Variants in ARHGAP35 observed in about 807,000 individuals in gnomAD.
ARHGAP35 encodes Rho GTPase activating protein 35.
A neutral mutation model predicts 111.1 loss-of-function variants in ARHGAP35; 15 were observed. The observed-to-expected ratio is 0.13, with a 90% confidence interval of 0.09 to 0.21. ARHGAP35 has a LOEUF of 0.21. Ranked by LOEUF, ARHGAP35 falls within the 10% of genes least tolerant of loss-of-function variation. The pLI, the probability that ARHGAP35 is intolerant of heterozygous loss-of-function variation, is 1.00. For synonymous variants in ARHGAP35, 643 were observed against 710.3 expected, an observed-to-expected ratio of 0.91 and a Z score of 1.51; for missense variants, 1,262 against 1,873.0, an observed-to-expected ratio of 0.67 and a Z score of 6.02.
At chr19:46,978,113 G>C (rs564480434) in intron 3 of ARHGAP35, among the ~76,000 whole-genome samples, 4 of 152,316 alleles carry the variant, frequency 2.6e-5, no homozygotes, top group African/African-American at 9.6e-5. Context: ...GCAGGCTTGA[G>C]CCTGGTGACA....
chr19:46,962,254 G>A (rs1411073254), intron 3 of ARHGAP35, among the ~76,000 whole-genome samples: 1 of 152,224 alleles, frequency 6.6e-6, no homozygotes, highest in East Asian at 1.9e-4. Flanking sequence ...TAAGAACCCA[G>A]GAGTTGAAGA....
rs375206287 is a variant in ARHGAP35, at chr19:46,983,151, G to A, written c.3827-4838G>A. Among the ~76,000 whole-genome samples the A allele has an allele frequency of 1.5e-3, 223 of 148,176 alleles. 1 individual carries two copies. The highest frequency in any genetic ancestry group is 3.5e-3 in the Middle Eastern group (1 of 284). On this transcript the variant is annotated intron_variant, in intron 3 of 6. Transcript: ENST00000672722. ...TGGCTGGAGCCCCCGCACCTGCACC[G>A]TAACAGGCCCTCCAGGTGACTCTGC...
intron 1 of ARHGAP35, among the ~76,000 whole-genome samples, chr19:46,892,922 T>G (rs1355668234): frequency 6.6e-6 from 1 of 152,116 alleles, no homozygotes; most frequent in Non-Finnish European, 1.5e-5. Flanking sequence ...GTAAGTCCAG[T>G]TCTCCATGCA....
At chr19:46,929,591 C>CTTTT (rs55818906) in intron 2 of ARHGAP35, among the ~76,000 whole-genome samples, 7 of 93,052 alleles carry the variant, frequency 7.5e-5, no homozygotes, top group African/African-American at 1.7e-4. Context: ...ACCTGTTACT[C>CTTTT]TTTTTTTTTT....
chr19:46,922,288 A>C lies in ARHGAP35; in HGVS notation c.3613A>C (p.Ile1205Leu). The change falls in exon 2 of 7, where the codon ATT becomes CTT. Residue 1205 changes from isoleucine to leucine, a missense_variant. Transcript: ENST00000672722. The surrounding 1 kb of genome is among the most constrained non-coding windows in gnomAD (Gnocchi z 4.0). ...GGGTTATAAAGGGGACAATGCTGTC[A>C]TTCCATACGAAACAGACGAAGACCC... ...SQGYKGDNAV[I>L]PYETDEDPRR... 6.2e-7 allele frequency: 1 copy of C among 1,613,930 alleles called. No individual in the cohort carries two copies. Among genetic ancestry groups the C allele is most frequent in the Non-Finnish European group, 8.5e-7 (1 of 1,179,864 alleles).
At chr19:46,981,747 TC>T (rs2056621403) in intron 3 of ARHGAP35, among the ~76,000 whole-genome samples, 1 of 152,226 alleles carries the variant, frequency 6.6e-6, no homozygotes, top group Non-Finnish European at 1.5e-5. Context: ...AAATACCAGT[TC>T]CTAGTCCATG....
intron 3 of ARHGAP35, among the ~76,000 whole-genome samples, chr19:46,966,046 C>T (rs374300684): frequency 3.3e-5 from 5 of 152,318 alleles, no homozygotes; most frequent in African/African-American, 1.2e-4. Context: ...TCCCCAGCCT[C>T]AATACCTAGC....
intron 3 of ARHGAP35, among the ~76,000 whole-genome samples, chr19:46,971,820 C>T (rs985191372): frequency 4.0e-5 from 6 of 151,500 alleles, no homozygotes. Flanking sequence ...TTTATCCTTC[C>T]CTACAGAGAG....
chr19:46,980,983 T>C (rs2056617557), intron 3 of ARHGAP35, among the ~76,000 whole-genome samples: 1 of 152,226 alleles, frequency 6.6e-6, no homozygotes, highest in Non-Finnish European at 1.5e-5. Context: ...CTAAATGCTC[T>C]CCTGCCCCCT....
intron 1 of ARHGAP35, among the ~76,000 whole-genome samples, chr19:46,905,562 C>G (rs117163576): frequency 0.04 from 5,857 of 147,576 alleles, 178 homozygotes; most frequent in Middle Eastern, 0.068. Context: ...TCCACCCCCC[C>G]CCCCCAAGAC....
chr19:46,929,454 T>G (rs79852018), intron 2 of ARHGAP35, among the ~76,000 whole-genome samples: 2 of 152,156 alleles, frequency 1.3e-5, no homozygotes, highest in Non-Finnish European at 2.9e-5. Context: ...AGTTAGTCCA[T>G]AGTATGCTAC....
At chr19:46,974,258 A>G (rs2056567913) in intron 3 of ARHGAP35, among the ~76,000 whole-genome samples, 1 of 152,186 alleles carries the variant, frequency 6.6e-6, no homozygotes, top group African/African-American at 2.4e-5. Flanking sequence ...CAAAGTTAGC[A>G]TTAGACTCCA....
chr19:46,892,124 A>T (rs1448341489), intron 1 of ARHGAP35, among the ~76,000 whole-genome samples: 6 of 122,958 alleles, frequency 4.9e-5, no homozygotes, highest in African/African-American at 1.2e-4. Flanking sequence ...TGTCTCTACT[A>T]AAAAAAAAAA....
chr19:46,964,785 T>C (rs1316913239), intron 3 of ARHGAP35, among the ~76,000 whole-genome samples: 3 of 151,944 alleles, frequency 2.0e-5, no homozygotes, highest in Non-Finnish European at 4.4e-5. Context: ...AATCCTTTGA[T>C]AAAAAAGAAA....
chr19:46,913,534 A>G (rs1271184179), intron 1 of ARHGAP35, among the ~76,000 whole-genome samples: 1 of 152,178 alleles, frequency 6.6e-6, no homozygotes, highest in African/African-American at 2.4e-5. Context: ...AACAAATCAC[A>G]AACAACTCTA....
chr19:46,986,120 G>T lies in ARHGAP35; in HGVS notation c.3827-1869G>T, dbSNP rs1379356904. 6.6e-6 allele frequency among the ~76,000 whole-genome samples: 1 copy of T among 152,200 alleles called. No individual in the cohort carries two copies. Among genetic ancestry groups the T allele is most frequent in the Non-Finnish European group, 1.5e-5 (1 of 68,038 alleles). On this transcript the variant is annotated intron_variant, in intron 3 of 6. Transcript: ENST00000672722. This position sits in a 1 kb window ranked among gnomAD's most constrained non-coding sequence, Gnocchi z 4.3. ...AGTCGCTCAAAGCCAGTCTTCAGAA[G>T]GGACCCAGGGTTGCTTTAGCCATGA...
chr19:46,967,914 CCTG>C (rs1332416774), intron 3 of ARHGAP35, among the ~76,000 whole-genome samples: 1 of 151,316 alleles, frequency 6.6e-6, no homozygotes, highest in Non-Finnish European at 1.5e-5. Flanking sequence ...CCTTCTCTGA[CCTG>C]CTCTGTGAGC....
At chr19:46,885,764 A>G (rs1261621828) in intron 1 of ARHGAP35, among the ~76,000 whole-genome samples, 1 of 151,862 alleles carries the variant, frequency 6.6e-6, no homozygotes, top group Non-Finnish European at 1.5e-5. Flanking sequence ...ATTTTTAGTG[A>G]GGTCCTAATT....
chr19:47,000,306 C>T lies in ARHGAP35; in HGVS notation c.4143-25C>T. On this transcript the variant is annotated intron_variant, in intron 6 of 6. Coordinates refer to ENST00000672722, the MANE Select transcript of ARHGAP35 (RefSeq NM_004491.5). This position sits in a 1 kb window ranked among gnomAD's most constrained non-coding sequence, Gnocchi z 6.9. ...CAGGTGGGGCCCTGCACAGTTCTGA[C>T]CATTGAGTTTGGTGTCGCCCGCAGG... The T allele has an allele frequency of 6.2e-7, 1 of 1,609,510 alleles. No individual in the cohort carries two copies. The highest frequency in any genetic ancestry group is 8.5e-7 in the Non-Finnish European group (1 of 1,177,430).
Sources: gnomAD v4.1 joint callset for allele counts (sites outside exome capture counted in the v4.1 genomes callset) on GRCh38, gnomAD v4.1.1 for gene constraint, Gnocchi (gnomAD v3.1) non-coding constraint, MANE v1.5 for transcripts, NCBI Gene and HGNC (gene_info 2026-07-23, HGNC 2026-07-21) for gene names.